Variants in RAPGEF5 observed in about 807,000 individuals in gnomAD.
The protein encoded by RAPGEF5 is M-Ras-regulated GEF.
RAPGEF5 carries 65 observed loss-of-function variants against 125.2 expected under a neutral mutation model. The observed-to-expected ratio is 0.52, with a 90% CI of 0.43 to 0.64. The LOEUF is 0.64. Among genes scored for constraint, RAPGEF5 ranks in the 30% least tolerant of loss-of-function variants. The pLI is 0.00. For missense variants in RAPGEF5, 958 were observed against 1,048.1 expected (o/e 0.91, Z 1.19); for synonymous variants, 391 against 385.9 (o/e 1.01, Z -0.16).
At chr7:22,179,277 T>C (rs1239408272) in intron 11 of RAPGEF5, among the ~76,000 whole-genome samples, 1 of 152,166 alleles carries the variant, frequency 6.6e-6, no homozygotes, top group African/African-American at 2.4e-5. Flanking sequence ...TTTAATTTCT[T>C]ATATGAAAAA....
At chr7:22,300,988 C>T (rs1418446463) in intron 5 of RAPGEF5, among the ~76,000 whole-genome samples, 2 of 152,182 alleles carry the variant, frequency 1.3e-5, no homozygotes, top group Non-Finnish European at 2.9e-5. Flanking sequence ...CTGAGGCCTG[C>T]CTTTGAGGCA....
At chr7:22,221,791 C>T (rs1018988256) in intron 8 of RAPGEF5, among the ~76,000 whole-genome samples, 10 of 152,166 alleles carry the variant, frequency 6.6e-5, no homozygotes, top group African/African-American at 2.4e-4. Flanking sequence ...TTATAAATTA[C>T]CCAATCTCAG....
intron 6 of RAPGEF5, among the ~76,000 whole-genome samples, chr7:22,273,550 T>C (rs1583538821): frequency 1.3e-5 from 2 of 152,326 alleles, no homozygotes; most frequent in Admixed American, 1.3e-4. Context: ...AATAGACTTG[T>C]TTAATGCAAA....
intron 11 of RAPGEF5, among the ~76,000 whole-genome samples, chr7:22,177,010 T>G (rs1239974592): frequency 1.3e-5 from 2 of 152,210 alleles, no homozygotes; most frequent in African/African-American, 4.8e-5. Context: ...GTTATTAGTG[T>G]TCTTTTCAAT....
rs191385971 is a variant in RAPGEF5 at position 22,301,342 on chromosome 7, G to A, written c.680+6997C>T. On this transcript the variant is annotated intron_variant, in intron 5 of 25. Transcript: ENST00000665637. ...AAAAAAATTAAGAGTAGGGCCAGGC[G>A]TGGTGGCTCACGCCTGTAATCTCCG... Among the ~76,000 whole-genome samples, 476 of 152,302 alleles carry A rather than the reference G, an allele frequency of 3.1e-3. 2 individuals carry two copies. Among genetic ancestry groups the A allele is most frequent in the African/African-American group, 0.011 (456 of 41,550 alleles).
At chr7:22,356,767 G>A in intron 1 of RAPGEF5, 63 bp downstream of exon 1, 1 of 933,802 alleles carries the variant, frequency 1.1e-6, no homozygotes, top group Non-Finnish European at 1.3e-6. Flanking sequence ...GCGGCCCGGG[G>A]GGTGGGCGCG....
rs1782575614 is a variant in RAPGEF5 at position 22,121,277 on chromosome 7, G to A, written c.*1129C>T. 6.6e-6 allele frequency: 1 copy of A among 150,450 alleles called. No homozygotes were observed. The highest frequency in any genetic ancestry group is 2.4e-5 in the African/African-American group (1 of 40,872). 9.3% of individuals were successfully genotyped at this position (150,450 alleles called of 1,614,324 possible). On this transcript the variant is annotated 3_prime_UTR_variant, in exon 26 of 26. Transcript: ENST00000665637. ...ATAGAAAGGCTCCCTGCTTTGGCTG[G>A]TAGTTGGATTATAGGACTTCTAAGT... is the stretch of plus-strand genomic sequence containing the variant.
At chr7:22,306,181 T>A (rs1395665820) in intron 5 of RAPGEF5, among the ~76,000 whole-genome samples, 5 of 152,330 alleles carry the variant, frequency 3.3e-5, no homozygotes, top group African/African-American at 1.2e-4. Flanking sequence ...GTACAAGGGT[T>A]CCCTTTTCTC....
At chr7:22,330,351 A>C (rs1422689275) in intron 1 of RAPGEF5, among the ~76,000 whole-genome samples, 3 of 152,214 alleles carry the variant, frequency 2.0e-5, no homozygotes, top group Non-Finnish European at 4.4e-5. Flanking sequence ...TCCTGAAGAG[A>C]TGTAAGCACA....
intron 24 of RAPGEF5, among the ~76,000 whole-genome samples, chr7:22,129,843 G>A (rs1782860428): frequency 6.6e-6 from 1 of 151,870 alleles, no homozygotes; most frequent in South Asian, 2.1e-4. Flanking sequence ...AGATGCTTGG[G>A]TTTTGGGGGT....
chr7:22,227,785 C>T (rs191417444), intron 8 of RAPGEF5, among the ~76,000 whole-genome samples: 1 of 152,232 alleles, frequency 6.6e-6, no homozygotes, highest in Admixed American at 6.5e-5. Flanking sequence ...GAGGCTGCAG[C>T]GAGCCATGAT....
At chr7:22,323,101 T>C (rs1583578431) in intron 1 of RAPGEF5, among the ~76,000 whole-genome samples, 1 of 152,250 alleles carries the variant, frequency 6.6e-6, no homozygotes, top group African/African-American at 2.4e-5. Context: ...CCTGCTCATG[T>C]TGTATGTGTT....
chr7:22,343,182 A>G (rs1784160175), intron 1 of RAPGEF5, among the ~76,000 whole-genome samples: 1 of 152,230 alleles, frequency 6.6e-6, no homozygotes, highest in Admixed American at 6.5e-5. Context: ...GAGCTTCTGC[A>G]GGGAAACTCC....
intron 11 of RAPGEF5, among the ~76,000 whole-genome samples, chr7:22,176,157 G>A (rs576924356): frequency 6.6e-6 from 1 of 152,208 alleles, no homozygotes; most frequent in South Asian, 2.1e-4. Flanking sequence ...GTGTGCGGGG[G>A]AACTCCCCTT....
chr7:22,270,593 C>T (rs1782395652), intron 6 of RAPGEF5, among the ~76,000 whole-genome samples: 1 of 152,116 alleles, frequency 6.6e-6, no homozygotes, highest in African/African-American at 2.4e-5. Context: ...GATACAAAAC[C>T]ACTGCCTAGG....
At position 22,272,126 on chromosome 7, in the gene RAPGEF5, G is replaced by A. The variant is rs1226805606; in HGVS notation, c.748-5114C>T. 2.0e-5 allele frequency among the ~76,000 whole-genome samples: 3 copies of A among 152,036 alleles called. No homozygotes were observed. In the South Asian group the frequency reaches 6.2e-4, roughly 32 times the overall value. On this transcript the variant is annotated intron_variant, in intron 6 of 25. Transcript: ENST00000665637. ...TGGGAGGTCGAGGTGGGCAGATCAT[G>A]AGGTCAGGAGTTCGAGACCAGCCTG...
chr7:22,156,433 T>C (rs1016862914), intron 16 of RAPGEF5, among the ~76,000 whole-genome samples: 4 of 152,162 alleles, frequency 2.6e-5, no homozygotes, highest in African/African-American at 9.7e-5. Context: ...AATCTGCACA[T>C]TGACTTTGGT....
chr7:22,228,625 G>C (rs535535209), intron 8 of RAPGEF5, among the ~76,000 whole-genome samples: 1 of 151,358 alleles, frequency 6.6e-6, no homozygotes, highest in Non-Finnish European at 1.5e-5. Context: ...CTCCTGCTTC[G>C]GCCTCCCAAG....
At chr7:22,303,242 T>G (rs1041999527) in intron 5 of RAPGEF5, among the ~76,000 whole-genome samples, 1 of 152,248 alleles carries the variant, frequency 6.6e-6, no homozygotes, top group African/African-American at 2.4e-5. Context: ...TCTGGATAAC[T>G]TGATTTGGCT....
Sources: gnomAD v4.1 joint callset for allele counts (sites outside exome capture counted in the v4.1 genomes callset) on GRCh38, gnomAD v4.1.1 for gene constraint, MANE v1.5 for transcripts, NCBI Gene and HGNC (gene_info 2026-07-23, HGNC 2026-07-21) for gene names.